Variants in ELL2 observed in about 807,000 individuals in gnomAD.
ELL2 encodes the protein RNA polymerase II elongation factor ELL2.
In ELL2, 21 loss-of-function variants were observed where a neutral mutation model predicts 72.8. That is an observed-to-expected ratio of 0.29 (90% CI 0.20 to 0.42). The LOEUF is 0.42. Ranked by LOEUF, ELL2 falls within the 10% of genes least tolerant of loss-of-function variation. The pLI is 1.00. For synonymous variants in ELL2, 266 were observed against 283.2 expected (o/e 0.94, Z 0.61); for missense variants, 568 against 772.8 (o/e 0.73, Z 3.14).
At chr5:95,902,734 T>C (rs1354482685) in intron 5 of ELL2, among the ~76,000 whole-genome samples, 1 of 152,190 alleles carries the variant, frequency 6.6e-6, no homozygotes, top group Non-Finnish European at 1.5e-5. Context: ...CCCAGATTTC[T>C]TGAGGTGGAA....
chr5:95,954,400 A>C (rs1412108214), intron 1 of ELL2, among the ~76,000 whole-genome samples: 1 of 135,526 alleles, frequency 7.4e-6, no homozygotes, highest in Non-Finnish European at 1.6e-5. Flanking sequence ...TTGTTAAATT[A>C]TTCTTTTTTT....
chr5:95,952,377 G>T (rs1461178571), intron 1 of ELL2, among the ~76,000 whole-genome samples: 1 of 151,958 alleles, frequency 6.6e-6, no homozygotes, highest in Non-Finnish European at 1.5e-5. Context: ...CCTGGGTGAT[G>T]AAATAATCTG....
rs186550638 is a variant in ELL2, at chr5:95,915,719, T to C, written c.318-1785A>G. Reference sequence around the variant, plus strand: ...GCCTGAGGTGATCTAGAAAGATGACTGGGCAAGGGGGAAGAAGAATGAAAG... The same window carrying C: ...GCCTGAGGTGATCTAGAAAGATGACCGGGCAAGGGGGAAGAAGAATGAAAG... On this transcript the variant is annotated intron_variant, in intron 3 of 11. Transcript: ENST00000237853. Among the ~76,000 whole-genome samples, 811 of 152,204 alleles carry C rather than the reference T, an allele frequency of 5.3e-3. 6 individuals carry two copies. The highest frequency in any genetic ancestry group is 6.9e-3 in the Non-Finnish European group (468 of 68,000).
At chr5:95,904,526 C>T (rs1228825975) in intron 5 of ELL2, among the ~76,000 whole-genome samples, 1 of 152,200 alleles carries the variant, frequency 6.6e-6, no homozygotes, top group Non-Finnish European at 1.5e-5. Context: ...GAGCCAACAT[C>T]TTAGTTTATT....
rs189707852 is a variant in ELL2, at chr5:95,955,189, C to G, written c.147+6386G>C. Among the ~76,000 whole-genome samples, 310 of 152,154 alleles carry G rather than the reference C, an allele frequency of 2.0e-3. 1 individual carries two copies. The highest frequency in any genetic ancestry group is 7.0e-3 in the African/African-American group (291 of 41,504). ...AAAATCTTGCTAAAATCCTTTAAGA[C>G]CCAAGGATTTTAGACCAATAACATA... On this transcript the variant is annotated intron_variant, in intron 1 of 11. Transcript: ENST00000237853.
chr5:95,956,283 C>A (rs952698763), intron 1 of ELL2, among the ~76,000 whole-genome samples: 4 of 152,208 alleles, frequency 2.6e-5, no homozygotes, highest in Non-Finnish European at 4.4e-5. Context: ...AGCAACTGGG[C>A]ATCTGAATAA....
chr5:95,928,733 C>T (rs1750485378), intron 2 of ELL2, among the ~76,000 whole-genome samples: 1 of 152,194 alleles, frequency 6.6e-6, no homozygotes, highest in African/African-American at 2.4e-5. Context: ...TCAATCCCAT[C>T]ATCTAATCAT....
At position 95,888,936 on chromosome 5, in the gene ELL2, T is replaced by C. The variant is rs976946931; in HGVS notation, c.1858A>G (p.Lys620Glu). 1.2e-6 allele frequency: 2 copies of C among 1,611,288 alleles called. No homozygotes were observed. The highest frequency in any genetic ancestry group is 1.7e-6 in the Non-Finnish European group (2 of 1,179,716). Residue 620 changes from lysine to glutamate, a missense_variant, in exon 12 of 12, where the codon AAG (lysine) becomes GAG (glutamate). Transcript: ENST00000237853. ...EKYRCEYLHN[K>E]LAHIKRLIGE... is the part of the protein sequence containing the mutation. ...ATTAGCCTTTTGATGTGAGCCAGCTTGTTATGAAGATATTCACATCTGTAT... is the reference window on the plus strand; with the variant it reads ...ATTAGCCTTTTGATGTGAGCCAGCTCGTTATGAAGATATTCACATCTGTAT...
chr5:95,950,177 A>G (rs140969544), intron 1 of ELL2, among the ~76,000 whole-genome samples: 65 of 152,354 alleles, frequency 4.3e-4, no homozygotes, highest in Non-Finnish European at 7.2e-4. Flanking sequence ...GCACTAGTAA[A>G]AAGTAAATAA....
chr5:95,902,351 G>A (rs1428851352), intron 5 of ELL2, among the ~76,000 whole-genome samples: 9 of 152,172 alleles, frequency 5.9e-5, no homozygotes, highest in Admixed American at 3.3e-4. Flanking sequence ...TATGCCTAGA[G>A]AACCCCCAAA....
intron 4 of ELL2, among the ~76,000 whole-genome samples, chr5:95,907,538 G>A (rs561040629): frequency 1.2e-4 from 18 of 152,180 alleles, no homozygotes; most frequent in African/African-American, 4.1e-4. Flanking sequence ...CACTTGGCAA[G>A]TGGCTACTTC....
At chr5:95,902,968 T>G (rs1749197938) in intron 5 of ELL2, among the ~76,000 whole-genome samples, 1 of 151,880 alleles carries the variant, frequency 6.6e-6, no homozygotes, top group Admixed American at 6.6e-5. Flanking sequence ...TTTGTATTTT[T>G]TGTAGAGATG....
intron 2 of ELL2, among the ~76,000 whole-genome samples, chr5:95,926,176 GAAA>G (rs1291001197): frequency 1.5e-5 from 2 of 136,358 alleles, no homozygotes; most frequent in South Asian, 4.7e-4. Flanking sequence ...GTTGAGGGGA[GAAA>G]AAAAAAAAAG....
chr5:95,896,716 G>C (rs1244717423), intron 8 of ELL2, among the ~76,000 whole-genome samples: 2 of 152,098 alleles, frequency 1.3e-5, no homozygotes, highest in Non-Finnish European at 2.9e-5. Flanking sequence ...AGGGGATGTG[G>C]GTCTAGAGCT....
intron 8 of ELL2, among the ~76,000 whole-genome samples, chr5:95,896,899 G>C (rs1216890897): frequency 6.6e-6 from 1 of 152,186 alleles, no homozygotes; most frequent in African/African-American, 2.4e-5. Flanking sequence ...CTTTGACTCA[G>C]AAGCACCACC....
intron 1 of ELL2, among the ~76,000 whole-genome samples, chr5:95,949,773 G>C (rs1751306914): frequency 6.6e-6 from 1 of 151,648 alleles, no homozygotes; most frequent in Non-Finnish European, 1.5e-5. Flanking sequence ...CTTTCTATAA[G>C]TGGTGATGGT....
intron 1 of ELL2, among the ~76,000 whole-genome samples, chr5:95,958,589 T>G (rs893685058): frequency 4.6e-5 from 7 of 152,226 alleles, no homozygotes; most frequent in African/African-American, 1.2e-4. Context: ...CCTTAAAAAG[T>G]GTTTCCATGG....
intron 4 of ELL2, among the ~76,000 whole-genome samples, chr5:95,912,346 T>C (rs540377019): frequency 1.3e-5 from 2 of 152,228 alleles, no homozygotes; most frequent in Admixed American, 1.3e-4. Flanking sequence ...AAAAATATTG[T>C]TTTGATGGTT....
Position 95,928,309 on chromosome 5 carries a change from C to T in ELL2, c.196-8764G>A, listed in dbSNP as rs115778363. On this transcript the variant is annotated intron_variant, in intron 2 of 11. Transcript: ENST00000237853. Reference sequence around the variant, plus strand: ...TCTTCAAAATGCAGTCATGGCTGGGCTAAGCCACAAGTTCTTCTTTGGTGG... The same window carrying T: ...TCTTCAAAATGCAGTCATGGCTGGGTTAAGCCACAAGTTCTTCTTTGGTGG... 7.4e-3 allele frequency among the ~76,000 whole-genome samples: 1,119 copies of T among 152,242 alleles called. 6 individuals are homozygous for T. Among genetic ancestry groups the T allele is most frequent in the Non-Finnish European group, 0.012 (836 of 67,992 alleles).
Sources: allele counts gnomAD v4.1 joint callset (sites outside exome capture counted in the v4.1 genomes callset), GRCh38; gene constraint gnomAD v4.1.1; transcripts MANE v1.5; gene names NCBI Gene and HGNC (gene_info 2026-07-23, HGNC 2026-07-21).